Variants in GOT1 observed in about 807,000 individuals in gnomAD.
The protein encoded by GOT1 is aspartate aminotransferase, cytoplasmic.
Under a neutral mutation model 48.2 loss-of-function variants are expected in GOT1, and 25 were observed. That is an observed-to-expected ratio of 0.52 (90% CI 0.38 to 0.72). The LOEUF is 0.72. Ranked by LOEUF, GOT1 falls within the 30% of genes least tolerant of loss-of-function variation. The pLI is 0.00. For missense variants in GOT1, 380 were observed against 520.1 expected, an observed-to-expected ratio of 0.73 and a Z score of 2.62; for synonymous variants, 188 against 193.8, an observed-to-expected ratio of 0.97 and a Z score of 0.25.
chr10:99,398,619 C>T (rs953668934), intron 8 of GOT1, among the ~76,000 whole-genome samples: 8 of 150,950 alleles, frequency 5.3e-5, no homozygotes, highest in Admixed American at 2.6e-4. Context: ...TGCAGTGAGC[C>T]GAGATCACAC....
chr10:99,426,823 C>T (rs1040325742), intron 1 of GOT1, among the ~76,000 whole-genome samples: 3 of 152,228 alleles, frequency 2.0e-5, no homozygotes, highest in Middle Eastern at 3.2e-3. Context: ...TCTGAGATTA[C>T]AGGTGCAGTT....
At chr10:99,424,874 G>A (rs2033018715) in intron 1 of GOT1, among the ~76,000 whole-genome samples, 1 of 152,188 alleles carries the variant, frequency 6.6e-6, no homozygotes, top group Non-Finnish European at 1.5e-5. Context: ...TTGGGTGACT[G>A]GAGCAGTGGG....
intron 1 of GOT1, among the ~76,000 whole-genome samples, chr10:99,422,605 C>T (rs1237860905): frequency 1.3e-5 from 2 of 152,048 alleles, no homozygotes; most frequent in African/African-American, 4.8e-5. Context: ...TGTCTCCATC[C>T]CATTCTTATC....
intron 7 of GOT1, 46 bp from the exon 8 acceptor site, chr10:99,402,768 T>C (rs538588186): frequency 1.3e-6 from 2 of 1,551,780 alleles, no homozygotes; most frequent in African/African-American, 1.4e-5. Context: ...ACAGGAAAGA[T>C]GGTACCCGAA....
chr10:99,417,890 G>A (rs768132778), intron 2 of GOT1, among the ~76,000 whole-genome samples: 51 of 151,972 alleles, frequency 3.4e-4, no homozygotes, highest in Admixed American at 9.2e-4. Context: ...CATCACACAC[G>A]GGTCCTGTTG....
chr10:99,402,457 C>T (rs2032693222), intron 8 of GOT1, 123 bp downstream of exon 8: 2 of 1,020,154 alleles, frequency 2.0e-6, no homozygotes, highest in East Asian at 5.0e-5. Context: ...TGTCCTGGTC[C>T]AAAGCAATGG....
chr10:99,407,337 A>G (rs2032773571), intron 2 of GOT1, among the ~76,000 whole-genome samples: 1 of 152,154 alleles, frequency 6.6e-6, no homozygotes, highest in Non-Finnish European at 1.5e-5. Flanking sequence ...GCTACTCCTC[A>G]TCTCTAGAAT....
At chr10:99,404,853 G>A (rs2134097943) in intron 5 of GOT1, among the ~76,000 whole-genome samples, 1 of 152,214 alleles carries the variant, frequency 6.6e-6, no homozygotes, top group South Asian at 2.1e-4. Context: ...TTCTGACCAT[G>A]CTCCGTCCTC....
intron 5 of GOT1, among the ~76,000 whole-genome samples, chr10:99,404,753 C>T (rs897488041): frequency 6.6e-6 from 1 of 152,112 alleles, no homozygotes; most frequent in Admixed American, 6.5e-5. Flanking sequence ...TCCGCACTGC[C>T]CTGAGAATAA....
intron 7 of GOT1, 133 bp from the exon 8 acceptor site, chr10:99,402,855 T>C: frequency 1.4e-6 from 1 of 702,578 alleles, no homozygotes. Context: ...GGCATGTGGA[T>C]GTCTGGATGG....
intron 1 of GOT1, among the ~76,000 whole-genome samples, chr10:99,424,648 C>T (rs146186087): frequency 5.2e-4 from 79 of 152,230 alleles, no homozygotes; most frequent in East Asian, 3.7e-3. Context: ...GCTGTTCTTA[C>T]CACTACTGAA....
chr10:99,413,433 G>A (rs1259759941), intron 2 of GOT1, among the ~76,000 whole-genome samples: 4 of 152,172 alleles, frequency 2.6e-5, no homozygotes, highest in African/African-American at 7.2e-5. Flanking sequence ...AGAAATATGC[G>A]ACTATGTGAA....
intron 1 of GOT1, among the ~76,000 whole-genome samples, chr10:99,427,177 C>A (rs767971171): frequency 2.0e-4 from 30 of 152,038 alleles, no homozygotes; most frequent in South Asian, 1.7e-3. Context: ...CTGATGAGGC[C>A]AGTAAAATTA....
At chr10:99,405,520 GACACACACACACAC>G (rs138777645) in intron 5 of GOT1, among the ~76,000 whole-genome samples, 19 of 143,498 alleles carry the variant, frequency 1.3e-4, no homozygotes, top group African/African-American at 2.3e-4. Context: ...CATAAAACTA[GACACACACACACAC>G]ACACACACAC....
chr10:99,406,103 T>C, intron 4 of GOT1, 34 bp downstream of exon 4: 2 of 1,378,966 alleles, frequency 1.5e-6, no homozygotes, highest in Non-Finnish European at 2.1e-6. Flanking sequence ...CCTGACACCA[T>C]GCAATTCTCT....
At chr10:99,406,326 C>G (rs1589936435) in intron 3 of GOT1, 77 bp from the exon 4 acceptor site, 1 of 996,066 alleles carries the variant, frequency 1.0e-6, no homozygotes, top group African/African-American at 1.6e-5. Flanking sequence ...AAGTCAGCTT[C>G]CAGGGCCCTC....
chr10:99,420,900 C>T (rs1589942786), intron 1 of GOT1, 95 bp from the exon 2 acceptor site: 13 of 992,798 alleles, frequency 1.3e-5, no homozygotes, highest in East Asian at 7.2e-5. Context: ...CACCACCTTC[C>T]GGTCAAAACA....
At position 99,403,572 on chromosome 10, in the gene GOT1, A is replaced by T; in HGVS notation, c.856T>A (p.Ser286Thr). 1 of 1,614,104 alleles carries T rather than the reference A, an allele frequency of 6.2e-7. No individual in the cohort carries two copies. The highest frequency in any genetic ancestry group is 8.5e-7 in the Non-Finnish European group (1 of 1,180,004). The stretch of plus-strand genomic sequence containing the variant: ...ATCCGCACGATCTTCTCCATCTGGG[A>T]AAGGACTTGCAGGATGCTCTCAGGT... ...KEPESILQVLSQMEKIVRITW... is the reference protein window; with the variant it reads ...KEPESILQVLTQMEKIVRITW... Residue 286 changes from serine to threonine, a missense_variant, in exon 7 of 9, where the codon TCC becomes ACC. Transcript: ENST00000370508.
chr10:99,420,838 G>A (rs1459907803), intron 1 of GOT1, 33 bp from the exon 2 acceptor site: 2 of 1,533,918 alleles, frequency 1.3e-6, no homozygotes, highest in East Asian at 4.5e-5. Flanking sequence ...ACATAGTGGA[G>A]GCTCATGCTG....
Sources: gnomAD v4.1 joint callset for allele counts (sites outside exome capture counted in the v4.1 genomes callset) on GRCh38, gnomAD v4.1.1 for gene constraint, MANE v1.5 for transcripts, NCBI Gene and HGNC (gene_info 2026-07-23, HGNC 2026-07-21) for gene names.